The following MSI1 variants were observed in gnomAD, a reference collection of about 807,000 sequenced individuals.
The protein encoded by MSI1 is musashi RNA binding protein 1, also known as RNA-binding protein Musashi homolog 1.
MSI1 carries 15 observed loss-of-function variants against 54.4 expected under a neutral mutation model. The observed-to-expected ratio is 0.28, with a 90% CI of 0.18 to 0.42. MSI1 has a LOEUF of 0.42. Ranked by LOEUF, MSI1 falls within the 20% of genes least tolerant of loss-of-function variation. MSI1 has a pLI of 1.00. For missense variants in MSI1, 304 were observed against 506.0 expected (o/e 0.60, Z 3.83); for synonymous variants, 200 against 196.5 (o/e 1.02, Z -0.15).
At chr12:120,362,210 T>A (rs1875717477) in intron 6 of MSI1, among the ~76,000 whole-genome samples, 1 of 151,854 alleles carries the variant, frequency 6.6e-6, no homozygotes, top group South Asian at 2.1e-4. Flanking sequence ...CCCCCTTCGC[T>A]TGCCTGGGGG....
In MSI1 at chr12:120,345,554, AC is replaced by A; in HGVS notation, c.*21+15del. The A allele has an allele frequency of 2.6e-6, 4 of 1,563,666 alleles. No individual in the cohort carries two copies. The South Asian group carries it at 4.5e-5, about 17-fold the overall frequency. ...CCCAGTGCCACCCCACCACCTGCCC[AC>A]CCCCACATCCTCACCTCCTGCCACC... On this transcript the variant is annotated intron_variant, in intron 14 of 14. Transcript: ENST00000257552.
In MSI1 at chr12:120,369,046, G is replaced by A. The variant is rs1876222984; in HGVS notation, c.46C>T (p.Pro16Ser). ...GCCGGGCCGTACCAGGGGTCGTGCG[G>A]CGAGTCCGGGGAGGCGAGGCCGGGC... ...PQPGLASPDS[P>S]HDPCKMFIGG... The change falls in exon 1 of 15, where the codon CCG becomes TCG. Residue 16 changes from proline to serine, a missense_variant. Physicochemically the swap from Pro to Ser is moderately conservative, Grantham distance 74. Coordinates refer to ENST00000257552, the MANE Select transcript of MSI1 (RefSeq NM_002442.4). 1.9e-6 allele frequency: 2 copies of A among 1,035,798 alleles called. No homozygotes were observed. Among genetic ancestry groups the A allele is most frequent in the African/African-American group, 1.7e-5 (1 of 57,764 alleles). 64.2% of individuals were successfully genotyped at this position (1,035,798 alleles called of 1,614,324 possible). A position where few individuals can be genotyped will look rare whatever the true frequency, so the allele number is the denominator to read the frequency against.
At position 120,353,330 on chromosome 12, in the gene MSI1, G is replaced by A; in HGVS notation, c.702C>T (p.Gly234=). The A allele has an allele frequency of 6.2e-7, 1 of 1,614,082 alleles. No homozygotes were observed. Among genetic ancestry groups the A allele is most frequent in the Non-Finnish European group, 8.5e-7 (1 of 1,180,002 alleles). ...ACTGGTAGGTGTAGCCAGGGGCGAG[G>A]CCTGTATAACTCCGGCTGGCGTAGG... ...ATTYASRSYT[G]LAPGYTYQFP... The change falls in exon 10 of 15, where the codon GGC becomes GGT. Residue 234 remains glycine, a synonymous_variant. Transcript: ENST00000257552.
At chr12:120,351,933 C>T (rs2136927852) in intron 10 of MSI1, among the ~76,000 whole-genome samples, 1 of 150,870 alleles carries the variant, frequency 6.6e-6, no homozygotes, top group African/African-American at 2.4e-5. Flanking sequence ...TGGTCTCGAT[C>T]TCCTGACCTC....
intron 13 of MSI1, 41 bp downstream of exon 13, chr12:120,346,094 T>C: frequency 2.7e-6 from 4 of 1,471,304 alleles, no homozygotes; most frequent in Non-Finnish European, 3.6e-6. Flanking sequence ...TCTCTCAAGG[T>C]GTGGGGGGTG....
chr12:120,357,981 C>T (rs947846278), intron 7 of MSI1, 83 bp from the exon 8 acceptor site: 7 of 1,140,368 alleles, frequency 6.1e-6, no homozygotes, highest in Non-Finnish European at 9.3e-6. Flanking sequence ...CCAATATCCC[C>T]GCTCCTCTCT....
intron 9 of MSI1, among the ~76,000 whole-genome samples, chr12:120,356,410 T>C (rs1419077986): frequency 6.6e-6 from 1 of 152,166 alleles, no homozygotes; most frequent in African/African-American, 2.4e-5. Context: ...TGTAACTTCT[T>C]TTCCCACTTC....
chr12:120,345,629 G>C lies in MSI1; in HGVS notation c.1051C>G (p.Pro351Ala). The change falls in exon 14 of 15, where the codon CCT (proline) becomes GCT (alanine). Residue 351 changes from proline (P) to alanine (A), a missense_variant. Around this residue, in one of 4 missense-constraint regions of MSI1, gnomAD observed 147 missense variants for 231.5 expected, o/e 0.64. Coordinates refer to ENST00000257552, the MANE Select transcript of MSI1 (RefSeq NM_002442.4). Reference protein sequence around the residue: ...STGFGHSLGGPLIATAFTNGY... With the variant: ...STGFGHSLGGALIATAFTNGY... ...TTGGTGAAGGCTGTGGCAATCAAAG[G>C]GCCCTGAAAAGGAAAGAATTTGACT... 6.2e-7 allele frequency: 1 copy of C among 1,613,900 alleles called. No individual in the cohort carries two copies. The highest frequency in any genetic ancestry group is 8.5e-7 in the Non-Finnish European group (1 of 1,179,940).
At chr12:120,358,806 G>C (rs1179444) in intron 7 of MSI1, among the ~76,000 whole-genome samples, 199 bp downstream of exon 7, 132,465 of 150,868 alleles carry the variant, frequency 0.88, 58,306 homozygotes, top group East Asian at 1. Flanking sequence ...TCCTCTGTTC[G>C]TCTCGTGTGT....
rs1876198541 is a variant in MSI1, at chr12:120,368,771, C to T, written c.100+62G>A. The stretch of plus-strand genomic sequence containing the variant: ...CAGGGCCGGGCTGGGGTGTCCGGGT[C>T]CGGGGCGCCGGGGGGTCCGGGGTGC... On this transcript the variant is annotated intron_variant, in intron 2 of 14. Transcript: ENST00000257552. This position sits in a 1 kb window ranked among gnomAD's most constrained non-coding sequence, Gnocchi z 6.6. 7.4e-7 allele frequency: 1 copy of T among 1,344,202 alleles called. No individual in the cohort carries two copies. Among genetic ancestry groups the T allele is most frequent in the Non-Finnish European group, 9.7e-7 (1 of 1,030,400 alleles). The allele number at this position is 1,344,202 out of a possible 1,614,324, so 83.3% of individuals were successfully genotyped here. A position where few individuals can be genotyped will look rare whatever the true frequency, so the allele number is the denominator to read the frequency against.
At chr12:120,348,344 G>C (rs1874312813) in intron 11 of MSI1, among the ~76,000 whole-genome samples, 1 of 152,132 alleles carries the variant, frequency 6.6e-6, no homozygotes, top group South Asian at 2.1e-4. Context: ...CTTGAGCCTG[G>C]GGCTCCCTGG....
intron 8 of MSI1, 136 bp from the exon 9 acceptor site, chr12:120,357,155 A>G (rs565598252): frequency 2.6e-6 from 2 of 768,378 alleles, no homozygotes; most frequent in Non-Finnish European, 4.4e-6. Flanking sequence ...CCACTGATGG[A>G]GCACTCACTA....
Position 120,347,410 on chromosome 12 carries a change from C to T in MSI1, c.859+36G>A, listed in dbSNP as rs376779282. The T allele has an allele frequency of 3.4e-4, 541 of 1,612,932 alleles. No individual in the cohort carries two copies. The South Asian group carries it at 3.8e-3, about 11-fold the overall frequency. ...CCTGGACTTCTCTGCTCCCTGTGCTCCCTCATCTCTCTTCCTGCACCTCAG... is the reference window on the plus strand; with the variant it reads ...CCTGGACTTCTCTGCTCCCTGTGCTTCCTCATCTCTCTTCCTGCACCTCAG... On this transcript the variant is annotated intron_variant, in intron 12 of 14. Transcript: ENST00000257552.
intron 4 of MSI1, among the ~76,000 whole-genome samples, chr12:120,366,149 G>C (rs1399337869): frequency 6.6e-6 from 1 of 152,206 alleles, no homozygotes; most frequent in African/African-American, 2.4e-5. Flanking sequence ...CCACCCACAT[G>C]GGTGGACGTC....
intron 7 of MSI1, among the ~76,000 whole-genome samples, chr12:120,358,485 C>G (rs1242973947): frequency 6.6e-6 from 1 of 152,232 alleles, no homozygotes; most frequent in Non-Finnish European, 1.5e-5. Flanking sequence ...GAGAAACAAC[C>G]CTGTCTCCTC....
intron 8 of MSI1, among the ~76,000 whole-genome samples, 162 bp downstream of exon 8, chr12:120,357,654 C>T (rs894913667): frequency 1.3e-5 from 2 of 152,134 alleles, no homozygotes; most frequent in African/African-American, 4.8e-5. Flanking sequence ...TACAGGCACG[C>T]ACCACCATGC....
At chr12:120,353,474 C>G (rs1025518454) in intron 9 of MSI1, 95 bp from the exon 10 acceptor site, 1 of 1,094,832 alleles carries the variant, frequency 9.1e-7, no homozygotes, top group South Asian at 1.3e-5. Flanking sequence ...CCTCACCTTC[C>G]TTTATCATGA....
chr12:120,367,907 C>T, intron 4 of MSI1, 101 bp downstream of exon 4: 3 of 1,229,568 alleles, frequency 2.4e-6, no homozygotes, highest in South Asian at 1.4e-5. Flanking sequence ...TCCCTCCTTC[C>T]TCATGGACCC....
At chr12:120,351,277 A>G in intron 11 of MSI1, 67 bp downstream of exon 11, 1 of 1,432,988 alleles carries the variant, frequency 7.0e-7, no homozygotes, top group Non-Finnish European at 9.7e-7. Flanking sequence ...TTCCCCAGGA[A>G]ACTCCCTGGG....
Sources: allele counts gnomAD v4.1 joint callset (sites outside exome capture counted in the v4.1 genomes callset), GRCh38; gene constraint gnomAD v4.1.1; regional missense constraint gnomAD v4.1.1; non-coding constraint Gnocchi (gnomAD v3.1); transcripts MANE v1.5; gene names NCBI Gene and HGNC (gene_info 2026-07-23, HGNC 2026-07-21).